TMTC2: variants seen among roughly 807,000 people sequenced by gnomAD.
TMTC2 encodes protein O-mannosyl-transferase TMTC2.
Under a neutral mutation model 82.4 loss-of-function variants are expected in TMTC2, and 43 were observed. That is an observed-to-expected ratio of 0.52 (90% CI 0.41 to 0.67). The LOEUF is 0.67. Among genes scored for constraint, TMTC2 ranks in the 30% least tolerant of loss-of-function variants. The pLI is 0.00. For missense variants in TMTC2, 919 were observed against 1,012.4 expected (o/e 0.91, Z 1.25); for synonymous variants, 408 against 381.9 (o/e 1.07, Z -0.80).
At chr12:82,937,474 T>C (rs2137254476) in intron 4 of TMTC2, among the ~76,000 whole-genome samples, 1 of 148,904 alleles carries the variant, frequency 6.7e-6, no homozygotes. Context: ...GTAATGATCC[T>C]GTTTCCAAAT....
chr12:82,920,595 C>G (rs1034931326), intron 3 of TMTC2, among the ~76,000 whole-genome samples: 5 of 151,792 alleles, frequency 3.3e-5, no homozygotes, highest in Non-Finnish European at 7.4e-5. Flanking sequence ...TGTGAAGGGC[C>G]CTTGAGATAT....
chr12:82,836,493 G>A (rs1029053374), intron 1 of TMTC2, among the ~76,000 whole-genome samples: 14 of 152,036 alleles, frequency 9.2e-5, no homozygotes, highest in African/African-American at 3.4e-4. Flanking sequence ...TTTTAAGATG[G>A]AAAAATGGGC....
At chr12:82,917,393 A>G (rs1875059789) in intron 3 of TMTC2, among the ~76,000 whole-genome samples, 1 of 152,070 alleles carries the variant, frequency 6.6e-6, no homozygotes, top group South Asian at 2.1e-4. Flanking sequence ...CAAGACTTCC[A>G]TTATGGTTAA....
At chr12:83,095,589 GA>G (rs1372070882) in intron 11 of TMTC2, among the ~76,000 whole-genome samples, 1 of 151,996 alleles carries the variant, frequency 6.6e-6, no homozygotes, top group Non-Finnish European at 1.5e-5. Context: ...GCTATATCCC[GA>G]GACGGGGAAA....
rs561747453 is a variant in TMTC2 at position 82,965,763 on chromosome 12, T to C, written c.1869+19T>C. 1 of 1,613,030 alleles carries C rather than the reference T, an allele frequency of 6.2e-7. No individual in the cohort carries two copies. Among genetic ancestry groups the C allele is most frequent in the South Asian group, 1.1e-5 (1 of 91,074 alleles). On this transcript the variant is annotated intron_variant, in intron 6 of 11. Transcript: ENST00000321196. Reference sequence around the variant, plus strand: ...CTATGAGGTCTGGCCAATGCCTCTCTGTCCTTTTCCCTCCCCCTTGTTCTG... The same window carrying C: ...CTATGAGGTCTGGCCAATGCCTCTCCGTCCTTTTCCCTCCCCCTTGTTCTG...
At chr12:82,850,864 G>T (rs1170038553) in intron 1 of TMTC2, among the ~76,000 whole-genome samples, 1 of 151,930 alleles carries the variant, frequency 6.6e-6, no homozygotes, top group Non-Finnish European at 1.5e-5. Flanking sequence ...AAGAGATGGA[G>T]ACCATCCTGG....
intron 1 of TMTC2, among the ~76,000 whole-genome samples, chr12:82,722,689 T>C (rs1463114534): frequency 6.6e-6 from 1 of 151,612 alleles, no homozygotes; most frequent in African/African-American, 2.4e-5. Context: ...CTGCAGTGAG[T>C]TGAGATCATC....
chr12:82,753,301 A>G (rs2136968992), intron 1 of TMTC2, among the ~76,000 whole-genome samples: 1 of 150,422 alleles, frequency 6.6e-6, no homozygotes. Flanking sequence ...TTGTCATGCC[A>G]GTATGCTAGC....
intron 10 of TMTC2, among the ~76,000 whole-genome samples, chr12:83,055,641 A>G (rs1050522201): frequency 6.6e-6 from 1 of 151,966 alleles, no homozygotes; most frequent in Non-Finnish European, 1.5e-5. Context: ...ATCTGAGAGG[A>G]AATATAGAGG....
At chr12:82,888,238 A>G (rs1221876122) in intron 2 of TMTC2, among the ~76,000 whole-genome samples, 1 of 152,218 alleles carries the variant, frequency 6.6e-6, no homozygotes, top group Non-Finnish European at 1.5e-5. Context: ...GTACAGATGC[A>G]GTAATTTTCC....
At chr12:82,716,618 T>C (rs1273493126) in intron 1 of TMTC2, among the ~76,000 whole-genome samples, 1 of 152,146 alleles carries the variant, frequency 6.6e-6, no homozygotes, top group Admixed American at 6.5e-5. Flanking sequence ...TGTCTCGGCC[T>C]CCCAAAGTGC....
chr12:82,880,747 A>G (rs1872781271), intron 2 of TMTC2, among the ~76,000 whole-genome samples: 1 of 152,246 alleles, frequency 6.6e-6, no homozygotes, highest in Non-Finnish European at 1.5e-5. Flanking sequence ...TCCCATTAGA[A>G]GAATGCTTTT....
At position 83,037,449 on chromosome 12, in the gene TMTC2, T is replaced by C. The variant is rs113043981; in HGVS notation, c.2152+6570T>C. ...ATTAAAAATGAAAATAGATTTTGAG[T>C]CTTTGCAAAATTACATTGAGATTAC... On this transcript the variant is annotated intron_variant, in intron 9 of 11. Coordinates refer to ENST00000321196, the MANE Select transcript of TMTC2 (RefSeq NM_152588.3). Among the ~76,000 whole-genome samples the C allele has an allele frequency of 4.7e-3, 710 of 152,310 alleles. 11 individuals are homozygous for C. The highest frequency in any genetic ancestry group is 0.016 in the African/African-American group (674 of 41,566).
chr12:82,828,910 T>C (rs80124384), intron 1 of TMTC2, among the ~76,000 whole-genome samples: 5,438 of 152,106 alleles, frequency 0.036, 307 homozygotes, highest in African/African-American at 0.12. Context: ...AGCAGAAGTG[T>C]TATTTACTGA....
At chr12:83,089,846 A>G (rs905008207) in intron 11 of TMTC2, among the ~76,000 whole-genome samples, 3,625 of 149,406 alleles carry the variant, frequency 0.024, 139 homozygotes, top group African/African-American at 0.086. Context: ...AAAACAAAAA[A>G]CAAAAAAAAA....
chr12:83,078,823 T>A (rs1026875628), intron 11 of TMTC2, among the ~76,000 whole-genome samples: 4 of 152,172 alleles, frequency 2.6e-5, no homozygotes, highest in African/African-American at 9.6e-5. Flanking sequence ...TTACAACATA[T>A]TTACATTTCC....
chr12:83,119,614 C>A (rs1565895447), intron 11 of TMTC2, among the ~76,000 whole-genome samples: 1 of 152,040 alleles, frequency 6.6e-6, no homozygotes, highest in Non-Finnish European at 1.5e-5. Flanking sequence ...ACAATGTATT[C>A]TGTGGTTGTT....
intron 4 of TMTC2, among the ~76,000 whole-genome samples, chr12:82,933,021 G>A (rs1292391590): frequency 1.3e-5 from 2 of 152,118 alleles, no homozygotes; most frequent in Non-Finnish European, 2.9e-5. Context: ...CGAAAAATCT[G>A]TACTGGAAGA....
At chr12:82,869,028 T>G (rs1872028395) in intron 2 of TMTC2, among the ~76,000 whole-genome samples, 1 of 152,226 alleles carries the variant, frequency 6.6e-6, no homozygotes. Flanking sequence ...TTGGTAACTT[T>G]GGCTTACTGA....
Sources: allele counts gnomAD v4.1 joint callset (sites outside exome capture counted in the v4.1 genomes callset), GRCh38; gene constraint gnomAD v4.1.1; transcripts MANE v1.5; gene names NCBI Gene and HGNC (gene_info 2026-07-23, HGNC 2026-07-21).